AGPS: variants seen among roughly 807,000 people sequenced by gnomAD.
AGPS encodes the protein alkyldihydroxyacetonephosphate synthase, peroxisomal.
AGPS carries 26 observed loss-of-function variants against 90.7 expected under a neutral mutation model. The ratio of observed to expected loss-of-function variants is 0.29; its 90% confidence interval spans 0.21 to 0.40. The LOEUF (loss-of-function observed/expected upper bound fraction) is 0.40. AGPS is among the 10% of genes least tolerant of loss of function. The pLI, the probability that AGPS is intolerant of heterozygous loss-of-function variation, is 1.00. For missense variants in AGPS, 540 were observed against 816.1 expected, an observed-to-expected ratio of 0.66 and a Z score of 4.12; for synonymous variants, 294 against 285.3, an observed-to-expected ratio of 1.03 and a Z score of -0.31.
intron 16 of AGPS, among the ~76,000 whole-genome samples, chr2:177,511,629 GT>G: frequency 6.6e-6 from 1 of 152,256 alleles, no homozygotes; most frequent in East Asian, 1.9e-4. Flanking sequence ...GCCCAGGGAA[GT>G]TTTTTTCAGG....
At chr2:177,413,131 A>C (rs959502157) in intron 1 of AGPS, among the ~76,000 whole-genome samples, 3 of 152,152 alleles carry the variant, frequency 2.0e-5, no homozygotes, top group African/African-American at 7.2e-5. Flanking sequence ...GCTCCCATAC[A>C]ATGGGAGGGA....
At chr2:177,430,592 G>T (rs1376050582) in intron 2 of AGPS, among the ~76,000 whole-genome samples, 1 of 152,010 alleles carries the variant, frequency 6.6e-6, no homozygotes, top group African/African-American at 2.4e-5. Context: ...CTGCTTGGCT[G>T]GGGGTGGGGG....
chr2:177,510,501 G>T (rs1688839251), intron 16 of AGPS, among the ~76,000 whole-genome samples: 1 of 152,108 alleles, frequency 6.6e-6, no homozygotes, highest in Non-Finnish European at 1.5e-5. Context: ...AAGAGTTAAT[G>T]AATTTCCTTG....
chr2:177,433,472 A>G (rs1032609063), intron 2 of AGPS, among the ~76,000 whole-genome samples: 5 of 152,190 alleles, frequency 3.3e-5, no homozygotes, highest in Non-Finnish European at 5.9e-5. Context: ...TGGCGTAGCA[A>G]CAATAGCTGC....
At chr2:177,475,500 A>G (rs1687756195) in intron 10 of AGPS, among the ~76,000 whole-genome samples, 1 of 152,134 alleles carries the variant, frequency 6.6e-6, no homozygotes, top group East Asian at 1.9e-4. Context: ...GCAACTACTG[A>G]TCTTCTTTTG....
chr2:177,530,829 A>G (rs1293606365), intron 19 of AGPS, among the ~76,000 whole-genome samples: 1 of 152,312 alleles, frequency 6.6e-6, no homozygotes, highest in African/African-American at 2.4e-5. Context: ...TAATCTTCAT[A>G]GTGCTTGTTT....
At chr2:177,478,901 A>G (rs997384855) in intron 10 of AGPS, among the ~76,000 whole-genome samples, 2 of 151,672 alleles carry the variant, frequency 1.3e-5, no homozygotes, top group African/African-American at 2.4e-5. Flanking sequence ...TAGTGAATCT[A>G]CCTGTGTCTT....
intron 16 of AGPS, 33 bp downstream of exon 16, chr2:177,508,064 A>G (rs1412285337): frequency 6.9e-7 from 1 of 1,452,568 alleles, no homozygotes; most frequent in African/African-American, 1.4e-5. Flanking sequence ...ATATTATTCA[A>G]ATATGCGATA....
intron 10 of AGPS, among the ~76,000 whole-genome samples, chr2:177,468,910 AATT>A: frequency 6.6e-6 from 1 of 152,050 alleles, no homozygotes; most frequent in East Asian, 1.9e-4. Flanking sequence ...GTCTTTCTGT[AATT>A]ATGTATTTTA....
chr2:177,478,004 G>A (rs138328480), intron 10 of AGPS, among the ~76,000 whole-genome samples: 230 of 152,192 alleles, frequency 1.5e-3, no homozygotes, highest in Middle Eastern at 6.8e-3. Context: ...TTACTGTTTG[G>A]GGTCACCTTT....
intron 1 of AGPS, among the ~76,000 whole-genome samples, chr2:177,411,987 G>A (rs1685634523): frequency 6.6e-6 from 1 of 152,110 alleles, no homozygotes; most frequent in Non-Finnish European, 1.5e-5. Flanking sequence ...AAGTTGGTGG[G>A]GAACAGGTCC....
intron 19 of AGPS, among the ~76,000 whole-genome samples, chr2:177,529,638 C>G (rs766429657): frequency 6.6e-6 from 1 of 152,172 alleles, no homozygotes; most frequent in Non-Finnish European, 1.5e-5. Flanking sequence ...GTTAGTTATT[C>G]ACTGGAGAAG....
chr2:177,470,806 A>G (rs1283447860), intron 10 of AGPS, among the ~76,000 whole-genome samples: 4 of 152,146 alleles, frequency 2.6e-5, no homozygotes, highest in Non-Finnish European at 5.9e-5. Context: ...TACATGCAAC[A>G]TAGCATACTG....
chr2:177,439,352 G>A (rs1293068180), intron 5 of AGPS, among the ~76,000 whole-genome samples: 1 of 152,172 alleles, frequency 6.6e-6, no homozygotes, highest in African/African-American at 2.4e-5. Flanking sequence ...GTGCGAACAA[G>A]GATGTGTAGT....
chr2:177,445,506 T>C, intron 7 of AGPS, 40 bp from the exon 8 acceptor site: 3 of 1,476,436 alleles, frequency 2.0e-6, no homozygotes, highest in Non-Finnish European at 2.8e-6. Context: ...AAAATATTAG[T>C]AGTTCCTGGA....
At chr2:177,475,805 C>T (rs991637065) in intron 10 of AGPS, among the ~76,000 whole-genome samples, 5 of 151,950 alleles carry the variant, frequency 3.3e-5, no homozygotes, top group African/African-American at 1.2e-4. Flanking sequence ...GGGTTTATAG[C>T]CTAGGAGTGG....
chr2:177,521,119 T>G (rs1199273550), intron 17 of AGPS, 150 bp from the exon 18 acceptor site: 1 of 732,850 alleles, frequency 1.4e-6, no homozygotes, highest in African/African-American at 1.8e-5. Context: ...AGCAAGCCAA[T>G]GTGTATTCCT....
chr2:177,476,234 T>C (rs1455601348), intron 10 of AGPS, among the ~76,000 whole-genome samples: 2 of 152,068 alleles, frequency 1.3e-5, no homozygotes, highest in East Asian at 1.9e-4. Context: ...TGTAGTTTGC[T>C]CTTCTTTTTC....
chr2:177,422,083 C>G (rs932694818), intron 2 of AGPS, among the ~76,000 whole-genome samples: 1 of 152,068 alleles, frequency 6.6e-6, no homozygotes, highest in African/African-American at 2.4e-5. Flanking sequence ...TTTTCAGGAT[C>G]TCGTTCTTAT....
Sources: gnomAD v4.1 joint callset for allele counts (sites outside exome capture counted in the v4.1 genomes callset) on GRCh38, gnomAD v4.1.1 for gene constraint, MANE v1.5 for transcripts, NCBI Gene and HGNC (gene_info 2026-07-23, HGNC 2026-07-21) for gene names.